Variants in GRIA1 observed in about 807,000 individuals in gnomAD.
The protein encoded by GRIA1 is glutamate receptor 1.
Under a neutral mutation model 99.2 loss-of-function variants are expected in GRIA1, and 31 were observed. The observed-to-expected ratio is 0.31, with a 90% CI of 0.23 to 0.42. GRIA1 has a LOEUF of 0.42. Ranked by LOEUF, GRIA1 falls within the 10% of genes least tolerant of loss-of-function variation. GRIA1 has a pLI of 1.00. For synonymous variants in GRIA1, 438 were observed against 432.4 expected (o/e 1.01, Z -0.16); for missense variants, 782 against 1,157.5 (o/e 0.68, Z 4.71).
rs1406883926 is a variant in GRIA1, at chr5:153,515,461, G to T, written c.220+21396G>T. 2.0e-5 allele frequency among the ~76,000 whole-genome samples: 3 copies of T among 152,318 alleles called. No individual in the cohort carries two copies. The East Asian group carries it at 5.8e-4, about 29-fold the overall frequency. On this transcript the variant is annotated intron_variant, in intron 2 of 15. Transcript: ENST00000285900. ...AGAAGTAAAGAGTAGAATGGTGGTT[G>T]CAGAGGCTGGGGACTTGGGGCATAT...
intron 2 of GRIA1, among the ~76,000 whole-genome samples, chr5:153,565,344 GA>G (rs1761519793): frequency 1.3e-5 from 2 of 152,006 alleles, no homozygotes. Context: ...ACTAAACAAA[GA>G]AAAGTGCTTC....
intron 2 of GRIA1, among the ~76,000 whole-genome samples, chr5:153,627,318 GT>G (rs1767725558): frequency 6.6e-6 from 1 of 152,294 alleles, no homozygotes; most frequent in South Asian, 2.1e-4. Flanking sequence ...GCAAGCAAAG[GT>G]TTCAGAGTTA....
At position 153,547,825 on chromosome 5, in the gene GRIA1, A is replaced by C. The variant is rs74884884; in HGVS notation, c.220+53760A>C. Among the ~76,000 whole-genome samples, 547 of 152,314 alleles carry C rather than the reference A, an allele frequency of 3.6e-3. 8 individuals are homozygous for C. In the East Asian group the frequency reaches 0.046, roughly 13 times the overall value. On this transcript the variant is annotated intron_variant, in intron 2 of 15. Transcript: ENST00000285900. ...ACAGTTAGCACCATCCAAAGAGTGA[A>C]TCCACTGCAGAGTGAACTAATGAGC...
intron 11 of GRIA1, among the ~76,000 whole-genome samples, chr5:153,715,289 T>A (rs1759592489): frequency 6.6e-6 from 1 of 151,872 alleles, no homozygotes; most frequent in Admixed American, 6.6e-5. Flanking sequence ...CATTATGCCT[T>A]TATTGTTCCC....
At chr5:153,629,207 C>T (rs1367730193) in intron 2 of GRIA1, among the ~76,000 whole-genome samples, 1 of 152,160 alleles carries the variant, frequency 6.6e-6, no homozygotes. Context: ...TCCTCCTCCT[C>T]ATTTCCTCTT....
intron 11 of GRIA1, 79 bp from the exon 12 acceptor site, chr5:153,764,355 G>A (rs552434399): frequency 3.8e-5 from 41 of 1,067,902 alleles, no homozygotes; most frequent in African/African-American, 3.7e-4. Context: ...GCCAAGCCCC[G>A]GACCCGTGCT....
At chr5:153,563,058 C>T (rs1365964472) in intron 2 of GRIA1, among the ~76,000 whole-genome samples, 5 of 151,982 alleles carry the variant, frequency 3.3e-5, no homozygotes. Flanking sequence ...CGCCTGTAAT[C>T]CCAGCTCCTT....
chr5:153,810,642 C>T (rs535627114), intron 15 of GRIA1, among the ~76,000 whole-genome samples: 50 of 152,316 alleles, frequency 3.3e-4, no homozygotes, highest in African/African-American at 1.1e-3. Flanking sequence ...ATAACCAGAA[C>T]TAGAATCCAA....
chr5:153,527,343 AT>A (rs1317894887), intron 2 of GRIA1, among the ~76,000 whole-genome samples: 1 of 152,172 alleles, frequency 6.6e-6, no homozygotes, highest in Non-Finnish European at 1.5e-5. Context: ...TGTTAGTTAC[AT>A]CATATTAGGC....
rs1186885859 is a variant in GRIA1, at chr5:153,520,269, A to G, written c.220+26204A>G. On this transcript the variant is annotated intron_variant, in intron 2 of 15. Coordinates refer to ENST00000285900, the MANE Select transcript of GRIA1 (RefSeq NM_000827.4). Reference sequence around the variant, plus strand: ...CTTTTATTTAGCTTATACATCCTACAGAGAAGGTGAAGGGCACAGAGGTGA... The same window carrying G: ...CTTTTATTTAGCTTATACATCCTACGGAGAAGGTGAAGGGCACAGAGGTGA... 2.0e-5 allele frequency among the ~76,000 whole-genome samples: 3 copies of G among 152,186 alleles called. No individual in the cohort carries two copies. In the East Asian group the frequency reaches 5.8e-4, roughly 29 times the overall value.
chr5:153,709,617 C>T (rs1445254975), intron 11 of GRIA1, among the ~76,000 whole-genome samples: 1 of 152,130 alleles, frequency 6.6e-6, no homozygotes, highest in Non-Finnish European at 1.5e-5. Context: ...TCCAGATTGG[C>T]CATTCTGTAA....
In GRIA1 at chr5:153,717,453, C is replaced by A. The variant is rs538097987; in HGVS notation, c.1823+11386C>A. ...ATACCAATGAATACCTAGAAAGAATCTTGATTGACAGGTACCATAGCTCAG... is the reference window on the plus strand; with the variant it reads ...ATACCAATGAATACCTAGAAAGAATATTGATTGACAGGTACCATAGCTCAG... On this transcript the variant is annotated intron_variant, in intron 11 of 15. Transcript: ENST00000285900. 2.0e-4 allele frequency among the ~76,000 whole-genome samples: 31 copies of A among 152,178 alleles called. No homozygotes were observed. In the South Asian group the frequency reaches 6.2e-3, roughly 31 times the overall value.
intron 2 of GRIA1, among the ~76,000 whole-genome samples, chr5:153,560,816 T>A (rs1281191117): frequency 6.6e-6 from 1 of 152,210 alleles, no homozygotes; most frequent in Non-Finnish European, 1.5e-5. Context: ...TGGGAAATTA[T>A]GTACCACTAA....
chr5:153,600,438 G>GT (rs11409539), intron 2 of GRIA1, among the ~76,000 whole-genome samples: 122,691 of 143,642 alleles, frequency 0.85, 52,492 homozygotes, highest in Non-Finnish European at 0.87. Context: ...GTAAGGATAG[G>GT]TTTCAATCAG....
At chr5:153,519,297 G>A (rs1334229327) in intron 2 of GRIA1, among the ~76,000 whole-genome samples, 1 of 151,846 alleles carries the variant, frequency 6.6e-6, no homozygotes, top group Non-Finnish European at 1.5e-5. Flanking sequence ...CCAATTCGAG[G>A]GTCTCAGGCC....
chr5:153,647,270 A>C, intron 3 of GRIA1, 103 bp downstream of exon 3: 1 of 1,334,358 alleles, frequency 7.5e-7, no homozygotes, highest in Non-Finnish European at 1.0e-6. Flanking sequence ...ATATGGGAAA[A>C]TTATCCAAAA....
At chr5:153,691,107 T>G (rs969223400) in intron 8 of GRIA1, among the ~76,000 whole-genome samples, 2 of 152,158 alleles carry the variant, frequency 1.3e-5, no homozygotes, top group Non-Finnish European at 2.9e-5. Flanking sequence ...GACATCCCAC[T>G]GAAATGTGGG....
At chr5:153,632,177 G>T (rs184929283) in intron 2 of GRIA1, among the ~76,000 whole-genome samples, 4 of 152,284 alleles carry the variant, frequency 2.6e-5, no homozygotes, top group Non-Finnish European at 4.4e-5. Context: ...AGTGGGCAAG[G>T]TGGAGGCAGG....
rs370575108 is a variant in GRIA1 at position 153,698,211 on chromosome 5, G to T, written c.1245+57G>T. 3 of 945,664 alleles carry T rather than the reference G, an allele frequency of 3.2e-6. No homozygotes were observed. The African/African-American group carries it at 4.8e-5, about 15-fold the overall frequency. 58.6% of individuals were successfully genotyped at this position (945,664 alleles called of 1,614,324 possible). A position where few individuals can be genotyped will look rare whatever the true frequency, so the allele number is the denominator to read the frequency against. ...GGGATTCAAGCTAGGCCAGCACAAG[G>T]GTTTTCCACCAGGACTGAAAGCTGG... On this transcript the variant is annotated intron_variant, in intron 9 of 15. Coordinates refer to ENST00000285900, the MANE Select transcript of GRIA1 (RefSeq NM_000827.4).
Sources: gnomAD v4.1 joint callset for allele counts (sites outside exome capture counted in the v4.1 genomes callset) on GRCh38, gnomAD v4.1.1 for gene constraint, MANE v1.5 for transcripts, NCBI Gene and HGNC (gene_info 2026-07-23, HGNC 2026-07-21) for gene names.